ROR2: variants seen among roughly 807,000 people sequenced by gnomAD.
The protein encoded by ROR2 is ROR family WNT receptor 2.
Under a neutral mutation model 74.9 loss-of-function variants are expected in ROR2, and 33 were observed. That is an observed-to-expected ratio of 0.44 (90% CI 0.33 to 0.59). The LOEUF is 0.59. Among genes scored for constraint, ROR2 ranks in the 20% least tolerant of loss-of-function variants. The pLI, the probability that ROR2 is intolerant of heterozygous loss-of-function variation, is 0.02. For synonymous variants in ROR2, 586 were observed against 558.7 expected (o/e 1.05, Z -0.69); for missense variants, 1,216 against 1,313.8 (o/e 0.93, Z 1.15).
At chr9:91,863,100 C>A (rs889417085) in intron 1 of ROR2, among the ~76,000 whole-genome samples, 1 of 152,226 alleles carries the variant, frequency 6.6e-6, no homozygotes, top group Non-Finnish European at 1.5e-5. Flanking sequence ...GCAGAAAGTG[C>A]AAGCTTATAT....
chr9:91,940,963 C>T (rs1290415752), intron 1 of ROR2, among the ~76,000 whole-genome samples: 1 of 151,174 alleles, frequency 6.6e-6, no homozygotes, highest in Non-Finnish European at 1.5e-5. Flanking sequence ...CTGGCTTCAG[C>T]CATCCATTGT....
chr9:91,931,584 T>C (rs1831550144), intron 1 of ROR2, among the ~76,000 whole-genome samples: 2 of 152,188 alleles, frequency 1.3e-5, no homozygotes, highest in African/African-American at 4.8e-5. Context: ...AGATTATATC[T>C]AAGGTCCCAC....
chr9:91,921,105 G>A (rs1012725343), intron 1 of ROR2, among the ~76,000 whole-genome samples: 2 of 152,216 alleles, frequency 1.3e-5, no homozygotes, highest in Non-Finnish European at 2.9e-5. Flanking sequence ...CAAATGGCAG[G>A]TGGCCAGCCA....
At chr9:91,799,062 G>T (rs554337261) in intron 1 of ROR2, among the ~76,000 whole-genome samples, 1 of 152,058 alleles carries the variant, frequency 6.6e-6, no homozygotes, top group Non-Finnish European at 1.5e-5. Context: ...TGCCCCTCGC[G>T]CCCTGTCACT....
intron 1 of ROR2, among the ~76,000 whole-genome samples, chr9:91,912,861 G>T (rs986936285): frequency 6.6e-6 from 1 of 152,360 alleles, no homozygotes; most frequent in Non-Finnish European, 1.5e-5. Flanking sequence ...AGGCGTGTTG[G>T]CTCACGCCTG....
chr9:91,909,838 G>GTTATTTTT (rs1830909954), intron 1 of ROR2, among the ~76,000 whole-genome samples: 3 of 63,196 alleles, frequency 4.7e-5, no homozygotes, highest in African/African-American at 1.3e-4. Flanking sequence ...TTTTTTTTAG[G>GTTATTTTT]TTTGTTTTGT....
chr9:91,833,127 G>A lies in ROR2; in HGVS notation c.98-57309C>T, dbSNP rs750176932. 3.3e-5 allele frequency among the ~76,000 whole-genome samples: 5 copies of A among 152,180 alleles called. No homozygotes were observed. In the South Asian group the frequency reaches 6.2e-4, roughly 19 times the overall value. On this transcript the variant is annotated intron_variant, in intron 1 of 8. Transcript: ENST00000375708. ...ACAAAACACCCAGGTGTTCTCTGCC[G>A]AGTGGGCAAGAGGCATGGCATCAGG...
chr9:91,849,760 T>C (rs886535873), intron 1 of ROR2, among the ~76,000 whole-genome samples: 1 of 152,218 alleles, frequency 6.6e-6, no homozygotes, highest in African/African-American at 2.4e-5. Flanking sequence ...CCTCCCCAGA[T>C]AGAACCAGTT....
chr9:91,826,412 GAAATATACTGGTTA>G (rs1278437658), intron 1 of ROR2, among the ~76,000 whole-genome samples: 1 of 152,098 alleles, frequency 6.6e-6, no homozygotes, highest in Non-Finnish European at 1.5e-5. Flanking sequence ...ACAACAAAAA[GAAATATACTGGTTA>G]ATTACATGAT....
chr9:91,753,169 T>C (rs1825642089), intron 4 of ROR2, among the ~76,000 whole-genome samples: 1 of 152,154 alleles, frequency 6.6e-6, no homozygotes, highest in Non-Finnish European at 1.5e-5. Flanking sequence ...TAACAAGACA[T>C]AACATGAAAA....
intron 1 of ROR2, among the ~76,000 whole-genome samples, chr9:91,854,628 G>A (rs1235925075): frequency 1.3e-5 from 2 of 152,200 alleles, no homozygotes; most frequent in African/African-American, 4.8e-5. Context: ...CCGAGGTCAC[G>A]TGATAGGAGG....
chr9:91,761,684 C>T (rs563912655), intron 2 of ROR2, among the ~76,000 whole-genome samples: 1 of 152,194 alleles, frequency 6.6e-6, no homozygotes, highest in Non-Finnish European at 1.5e-5. Context: ...CGCACCAGTA[C>T]CAGTCCATGG....
At chr9:91,805,411 G>C (rs1024972807) in intron 1 of ROR2, among the ~76,000 whole-genome samples, 1 of 152,196 alleles carries the variant, frequency 6.6e-6, no homozygotes, top group African/African-American at 2.4e-5. Context: ...GGGATTCCAA[G>C]TTCTCCTATC....
At chr9:91,877,407 T>C (rs1829986505) in intron 1 of ROR2, among the ~76,000 whole-genome samples, 1 of 152,124 alleles carries the variant, frequency 6.6e-6, no homozygotes, top group Admixed American at 6.5e-5. Context: ...CCAATCTAAG[T>C]GGACGGGGAC....
intron 1 of ROR2, among the ~76,000 whole-genome samples, chr9:91,933,269 T>C (rs1350910360): frequency 1.3e-5 from 2 of 152,164 alleles, no homozygotes; most frequent in Admixed American, 6.5e-5. Context: ...TGAGCCGAGA[T>C]TGCGCCACTG....
At chr9:91,789,376 AAG>A (rs1276466789) in intron 1 of ROR2, among the ~76,000 whole-genome samples, 1 of 152,202 alleles carries the variant, frequency 6.6e-6, no homozygotes, top group African/African-American at 2.4e-5. Context: ...AGATAAATAA[AAG>A]AGTACTAGTA....
At position 91,908,186 on chromosome 9, in the gene ROR2, A is replaced by C. The variant is rs190072953; in HGVS notation, c.97+41681T>G. Among the ~76,000 whole-genome samples, 353 of 152,318 alleles carry C rather than the reference A, an allele frequency of 2.3e-3. 1 individual carries two copies. The highest frequency in any genetic ancestry group is 8.2e-3 in the African/African-American group (339 of 41,564). On this transcript the variant is annotated intron_variant, in intron 1 of 8. Transcript: ENST00000375708. The stretch of plus-strand genomic sequence containing the variant: ...CAACTCCCTGGTTTCCATCTTGGTC[A>C]CATGGTGAGTGGTGGGGACGCTATC...
intron 2 of ROR2, 60 bp downstream of exon 2, chr9:91,775,681 G>C (rs1826393972): frequency 6.6e-7 from 1 of 1,520,346 alleles, no homozygotes; most frequent in Non-Finnish European, 9.1e-7. Context: ...GGCAGTGCAA[G>C]ATGAGCCTCA....
At chr9:91,893,438 T>C in intron 1 of ROR2, among the ~76,000 whole-genome samples, 1 of 151,792 alleles carries the variant, frequency 6.6e-6, no homozygotes, top group Admixed American at 6.6e-5. Flanking sequence ...AGTGTGACTC[T>C]GTCTTAAAAA....
Sources: allele counts gnomAD v4.1 joint callset (sites outside exome capture counted in the v4.1 genomes callset), GRCh38; gene constraint gnomAD v4.1.1; transcripts MANE v1.5; gene names NCBI Gene and HGNC (gene_info 2026-07-23, HGNC 2026-07-21).